The following ERN1 variants were observed in gnomAD, a reference collection of about 807,000 sequenced individuals.
ERN1 encodes endoplasmic reticulum to nucleus signaling 1.
ERN1 carries 39 observed loss-of-function variants against 113.1 expected under a neutral mutation model. That is an observed-to-expected ratio of 0.34 (90% confidence interval 0.27 to 0.45). ERN1 has a LOEUF of 0.45. Ranked by LOEUF, ERN1 falls within the 20% of genes least tolerant of loss-of-function variation. ERN1 has a pLI of 1.00. For synonymous variants in ERN1, 507 were observed against 515.9 expected (o/e 0.98, Z 0.23); for missense variants, 976 against 1,274.8 (o/e 0.77, Z 3.57).
intron 4 of ERN1, among the ~76,000 whole-genome samples, chr17:64,077,104 C>A (rs143056486): frequency 3.3e-5 from 5 of 152,290 alleles, no homozygotes; most frequent in African/African-American, 1.2e-4. Flanking sequence ...GAGAAACCAA[C>A]GGAGAGCAGT....
At chr17:64,093,588 T>C (rs1914146849) in intron 2 of ERN1, among the ~76,000 whole-genome samples, 1 of 152,178 alleles carries the variant, frequency 6.6e-6, no homozygotes, top group Admixed American at 6.5e-5. Context: ...ACGGCCACCT[T>C]CTCACCATGT....
intron 1 of ERN1, among the ~76,000 whole-genome samples, chr17:64,111,506 C>T (rs922392846): frequency 1.3e-5 from 2 of 152,194 alleles, no homozygotes; most frequent in East Asian, 3.8e-4. Context: ...CAGGCACATG[C>T]CACCATGCCC....
At chr17:64,102,305 A>C (rs1362639659) in intron 1 of ERN1, among the ~76,000 whole-genome samples, 1 of 152,116 alleles carries the variant, frequency 6.6e-6, no homozygotes, top group Non-Finnish European at 1.5e-5. Context: ...AACAACAACA[A>C]CACTAATCAC....
intron 19 of ERN1, among the ~76,000 whole-genome samples, chr17:64,046,070 AC>A (rs1274282070): frequency 6.6e-6 from 1 of 152,192 alleles, no homozygotes; most frequent in East Asian, 1.9e-4. Context: ...GTCAGGAAGC[AC>A]CCAAGTATGG....
chr17:64,055,537 A>AT lies in ERN1; in HGVS notation c.1672+137_1672+138insA, dbSNP rs532884618. On this transcript the variant is annotated intron_variant, in intron 13 of 21. Transcript: ENST00000433197. ...ATGGGGCAGAAGCCTTCCCACAGAG[A>AT]CCCCCAGAGTGGAAGTTAGAGGAGA... The AT allele has an allele frequency of 1.3e-4, 105 of 819,636 alleles. No individual in the cohort carries two copies. In the East Asian group the frequency reaches 1.4e-3, roughly 11 times the overall value. The allele number at this position is 819,636 out of a possible 1,614,324, so 50.8% of individuals were successfully genotyped here.
rs1913114966 is a variant in ERN1, at chr17:64,063,435, G to GGGGAAAAA, written c.1087+550_1087+551insTTTTTCCC. ...CCATTAGTGATGGCAGCAAAAACAA[G>GGGGAAAAA]AGAAAGAGGAAAAAAGGGACCTTCC... On this transcript the variant is annotated intron_variant, in intron 10 of 21. Transcript: ENST00000433197. This position sits in a 1 kb window ranked among gnomAD's most constrained non-coding sequence, Gnocchi z 5.1. Among the ~76,000 whole-genome samples, 1 of 152,130 alleles carries GGGGAAAAA rather than the reference G, an allele frequency of 6.6e-6. No individual in the cohort carries two copies. Among genetic ancestry groups the GGGGAAAAA allele is most frequent in the African/African-American group, 2.4e-5 (1 of 41,418 alleles).
intron 2 of ERN1, among the ~76,000 whole-genome samples, chr17:64,094,266 A>G (rs1914167345): frequency 6.6e-6 from 1 of 152,202 alleles, no homozygotes; most frequent in South Asian, 2.1e-4. Context: ...CTATGGTGGT[A>G]AACTATCCTG....
intron 12 of ERN1, among the ~76,000 whole-genome samples, chr17:64,057,373 T>C: frequency 7.0e-6 from 1 of 143,160 alleles, no homozygotes; most frequent in Non-Finnish European, 1.5e-5. Flanking sequence ...TCTTTTTTTT[T>C]GAGATGGAGT....
intron 2 of ERN1, among the ~76,000 whole-genome samples, chr17:64,094,411 C>T (rs1452905948): frequency 1.3e-5 from 2 of 152,024 alleles, no homozygotes; most frequent in Non-Finnish European, 2.9e-5. Flanking sequence ...ATTACCAGTT[C>T]GGTAATATGT....
chr17:64,091,698 C>A (rs1021401287), intron 2 of ERN1, among the ~76,000 whole-genome samples: 1 of 152,076 alleles, frequency 6.6e-6, no homozygotes, highest in Admixed American at 6.5e-5. Context: ...TCTCCAAGGC[C>A]TGGTAAGGAG....
At position 64,130,067 on chromosome 17, in the gene ERN1, C is replaced by G. The variant is rs1915199853; in HGVS notation, c.-38G>C. 7.3e-7 allele frequency: 1 copy of G among 1,362,900 alleles called. No homozygotes were observed. Among genetic ancestry groups the G allele is most frequent in the Non-Finnish European group, 9.4e-7 (1 of 1,064,492 alleles). 84.4% of individuals were successfully genotyped at this position (1,362,900 alleles called of 1,614,324 possible). ...GCCCTGGCTCCGGGGGCGGTACGGA[C>G]AGAGGACGGGGCGGGGGCGCCGCGA... On this transcript the variant is annotated 5_prime_UTR_variant, in exon 1 of 22. Transcript: ENST00000433197. The surrounding 1 kb of genome is among the most constrained non-coding windows in gnomAD (Gnocchi z 4.0).
chr17:64,110,006 C>T (rs1312391619), intron 1 of ERN1, among the ~76,000 whole-genome samples: 2 of 151,960 alleles, frequency 1.3e-5, no homozygotes, highest in Admixed American at 6.6e-5. Context: ...CTATAGAAAC[C>T]CAATATACCA....
chr17:64,073,335 A>ATT (rs201213734), intron 5 of ERN1, among the ~76,000 whole-genome samples: 13 of 135,082 alleles, frequency 9.6e-5, no homozygotes, highest in East Asian at 4.3e-4. Context: ...CACCCAGCAA[A>ATT]TTTTTTTTTT....
intron 1 of ERN1, among the ~76,000 whole-genome samples, chr17:64,113,725 C>T (rs750438848): frequency 1.4e-4 from 22 of 152,028 alleles, no homozygotes; most frequent in Non-Finnish European, 2.9e-4. Context: ...ACTCTGTCGC[C>T]CAGGCTGGAG....
At position 64,054,485 on chromosome 17, in the gene ERN1, G is replaced by T; in HGVS notation, c.1764-46C>A. 1.3e-6 allele frequency: 2 copies of T among 1,520,818 alleles called. No homozygotes were observed. The highest frequency in any genetic ancestry group is 1.8e-6 in the Non-Finnish European group (2 of 1,123,820). 94.2% of individuals were successfully genotyped at this position (1,520,818 alleles called of 1,614,324 possible). A position where few individuals can be genotyped will look rare whatever the true frequency, so the allele number is the denominator to read the frequency against. The stretch of plus-strand genomic sequence containing the variant: ...GTTGTGTCTGGGAAGCACGAGTCAG[G>T]CTGTGTAAATGAGGTGAGAACCTGG... On this transcript the variant is annotated intron_variant, in intron 14 of 21. Coordinates refer to ENST00000433197, the MANE Select transcript of ERN1 (RefSeq NM_001433.5). This position sits in a 1 kb window ranked among gnomAD's most constrained non-coding sequence, Gnocchi z 4.9.
rs139173692 is a variant in ERN1 at position 64,047,847 on chromosome 17, G to C, written c.2529+11C>G. On this transcript the variant is annotated intron_variant, in intron 19 of 21. Transcript: ENST00000433197. ...ATGAAGACTCTGGATAAAGAGAACA[G>C]ACGTCTCTACCTGGAAGAACTGGAG... 6.3e-7 allele frequency: 1 copy of C among 1,597,318 alleles called. No homozygotes were observed. The highest frequency in any genetic ancestry group is 1.1e-5 in the South Asian group (1 of 88,696).
chr17:64,088,739 G>C (rs1598071730), intron 2 of ERN1, among the ~76,000 whole-genome samples: 1 of 152,116 alleles, frequency 6.6e-6, no homozygotes, highest in South Asian at 2.1e-4. Context: ...TAGAACATGG[G>C]GCATGCACCA....
At position 64,049,010 on chromosome 17, in the gene ERN1, G is replaced by T; in HGVS notation, c.2401+45C>A. On this transcript the variant is annotated intron_variant, in intron 18 of 21. Transcript: ENST00000433197. The surrounding 1 kb of genome is among the most constrained non-coding windows in gnomAD (Gnocchi z 4.7). ...AGCCCAGCTCTGCAGGGCCACCTGA[G>T]GCAGCTGAGGAGCTGCTCCCAACCC... The T allele has an allele frequency of 6.7e-7, 1 of 1,499,752 alleles. No individual in the cohort carries two copies. The highest frequency in any genetic ancestry group is 1.3e-5 in the South Asian group (1 of 76,018). 92.9% of individuals were successfully genotyped at this position (1,499,752 alleles called of 1,614,324 possible).
At chr17:64,066,572 G>A in intron 8 of ERN1, 99 bp downstream of exon 8, 1 of 1,414,222 alleles carries the variant, frequency 7.1e-7, no homozygotes, top group Admixed American at 2.0e-5. Context: ...TTCAGAGACT[G>A]CCCTGTCTTT....
Sources: allele counts gnomAD v4.1 joint callset (sites outside exome capture counted in the v4.1 genomes callset), GRCh38; gene constraint gnomAD v4.1.1; non-coding constraint Gnocchi (gnomAD v3.1); transcripts MANE v1.5; gene names NCBI Gene and HGNC (gene_info 2026-07-23, HGNC 2026-07-21).